The following KLHDC1 variants were observed in gnomAD, a reference collection of about 807,000 sequenced individuals.
The protein encoded by KLHDC1 is kelch domain-containing protein 1.
Under a neutral mutation model 68.3 loss-of-function variants are expected in KLHDC1, and 53 were observed. The observed-to-expected ratio is 0.78, with a 90% confidence interval of 0.62 to 0.98. KLHDC1 has a LOEUF of 0.98. Ranked by LOEUF, KLHDC1 falls within the 50% of genes least tolerant of loss-of-function variation. The pLI is 0.00. For missense variants in KLHDC1, 470 were observed against 492.3 expected, an observed-to-expected ratio of 0.95 and a Z score of 0.43; for synonymous variants, 148 against 159.0, an observed-to-expected ratio of 0.93 and a Z score of 0.52.
intron 1 of KLHDC1, among the ~76,000 whole-genome samples, chr14:49,695,120 G>GTGTGTGTGTA (rs1486205866): frequency 2.0e-5 from 3 of 148,998 alleles, no homozygotes; most frequent in African/African-American, 7.5e-5. Context: ...GTTTTGATGT[G>GTGTGTGTGTA]TGTGTGTGTG....
intron 4 of KLHDC1, among the ~76,000 whole-genome samples, chr14:49,714,680 G>A (rs1280326807): frequency 1.3e-5 from 2 of 151,890 alleles, no homozygotes; most frequent in African/African-American, 4.8e-5. Context: ...CTACTTGGGA[G>A]GCTGAGGCAG....
intron 1 of KLHDC1, among the ~76,000 whole-genome samples, chr14:49,702,755 C>G (rs1344879556): frequency 1.3e-5 from 2 of 152,192 alleles, no homozygotes; most frequent in Non-Finnish European, 2.9e-5. Context: ...TTACTTGCAG[C>G]TAGGTTGCAG....
At chr14:49,728,731 A>G (rs1193082272) in intron 6 of KLHDC1, among the ~76,000 whole-genome samples, 195 bp from the exon 7 acceptor site, 2 of 152,280 alleles carry the variant, frequency 1.3e-5, no homozygotes, top group Non-Finnish European at 1.5e-5. Context: ...ATCAGGGAGA[A>G]TAAAATGTAT....
rs754649077 is a variant in KLHDC1 at position 49,729,483 on chromosome 14, C to G, written c.652-7C>G. ...ATACTGACCAATGTAACACACTTTT[C>G]TTTTAGCAAACTAGGATGAATGATT... On this transcript the variant is annotated splice_polypyrimidine_tract_variant and splice_region_variant and intron_variant, in intron 7 of 12. Coordinates refer to ENST00000359332, the MANE Select transcript of KLHDC1 (RefSeq NM_172193.3). The G allele has an allele frequency of 1.1e-5, 18 of 1,602,096 alleles. No individual in the cohort carries two copies. Among genetic ancestry groups the G allele is most frequent in the African/African-American group, 8.0e-5 (6 of 74,666 alleles).
intron 4 of KLHDC1, among the ~76,000 whole-genome samples, chr14:49,716,269 T>C (rs1183913138): frequency 1.3e-5 from 2 of 152,176 alleles, no homozygotes; most frequent in Admixed American, 6.6e-5. Context: ...TAAAGTATTT[T>C]TGGACCTTTA....
At chr14:49,741,645 C>G (rs1889069184) in intron 11 of KLHDC1, among the ~76,000 whole-genome samples, 1 of 152,082 alleles carries the variant, frequency 6.6e-6, no homozygotes, top group Non-Finnish European at 1.5e-5. Context: ...CACTGCTTTA[C>G]TCAGCTGTTT....
At chr14:49,734,484 C>A in intron 9 of KLHDC1, 105 bp from the exon 10 acceptor site, 2 of 583,830 alleles carry the variant, frequency 3.4e-6, no homozygotes, top group Non-Finnish European at 5.9e-6. Flanking sequence ...AATAGGTGCA[C>A]TCAGAAAAGA....
intron 4 of KLHDC1, among the ~76,000 whole-genome samples, chr14:49,722,944 A>G (rs1413076544): frequency 2.0e-5 from 3 of 151,878 alleles, no homozygotes; most frequent in Non-Finnish European, 4.4e-5. Flanking sequence ...AAAATTAGCC[A>G]GGCGTGGTGG....
At chr14:49,748,801 T>A (rs1160377491) in intron 12 of KLHDC1, among the ~76,000 whole-genome samples, 1 of 151,068 alleles carries the variant, frequency 6.6e-6, no homozygotes, top group Non-Finnish European at 1.5e-5. Context: ...GAAATTTTTT[T>A]TCTTTTTTTT....
At chr14:49,746,128 G>A (rs2139770240) in intron 12 of KLHDC1, among the ~76,000 whole-genome samples, 1 of 152,244 alleles carries the variant, frequency 6.6e-6, no homozygotes, top group Admixed American at 6.5e-5. Context: ...AAAAGGAGTG[G>A]GGAGAATTAA....
At chr14:49,731,484 T>C (rs572789824) in intron 8 of KLHDC1, among the ~76,000 whole-genome samples, 2 of 152,178 alleles carry the variant, frequency 1.3e-5, no homozygotes, top group East Asian at 1.9e-4. Flanking sequence ...TTTATTTTTT[T>C]TGGAGACGGA....
At chr14:49,720,148 G>T (rs538210041) in intron 4 of KLHDC1, among the ~76,000 whole-genome samples, 1 of 152,056 alleles carries the variant, frequency 6.6e-6, no homozygotes, top group Non-Finnish European at 1.5e-5. Context: ...CACCAAACCC[G>T]GCTAATTTTG....
chr14:49,705,580 A>G (rs574650693), intron 1 of KLHDC1, among the ~76,000 whole-genome samples: 2 of 151,932 alleles, frequency 1.3e-5, no homozygotes, highest in East Asian at 3.9e-4. Context: ...CATATTGGCC[A>G]GGCTGCTCTC....
chr14:49,716,626 C>T (rs1450451062), intron 4 of KLHDC1, among the ~76,000 whole-genome samples: 3 of 152,008 alleles, frequency 2.0e-5, no homozygotes, highest in African/African-American at 7.3e-5. Flanking sequence ...TCAGGTGATC[C>T]GCGCACCTCA....
intron 1 of KLHDC1, chr14:49,707,720 A>AG (rs1177378301): frequency 2.2e-5 from 3 of 139,154 alleles, no homozygotes; most frequent in Non-Finnish European, 4.5e-5. Context: ...GTACTATCAT[A>AG]GCTCACTACA....
At chr14:49,703,299 A>G (rs987364489) in intron 1 of KLHDC1, among the ~76,000 whole-genome samples, 1 of 151,268 alleles carries the variant, frequency 6.6e-6, no homozygotes, top group African/African-American at 2.4e-5. Flanking sequence ...TCTCTAAACA[A>G]TATATTATTT....
Position 49,734,613 on chromosome 14 carries a change from C to A in KLHDC1, c.848C>A (p.Thr283Lys). The stretch of plus-strand genomic sequence containing the variant: ...GGTGATGGTTGGATTCATAATGTCA[C>A]AACAAATTGTTGGAAACAACTTACA... ...PLSDGWIHNVTTNCWKQLTHL... is the reference protein window; with the variant it reads ...PLSDGWIHNVKTNCWKQLTHL... The change falls in exon 10 of 13, where the codon ACA (threonine) becomes AAA (lysine). Residue 283 changes from threonine (T) to lysine (K), a missense_variant. By Grantham distance (78) the Thr-to-Lys change is moderately conservative. Transcript: ENST00000359332. 6.3e-7 allele frequency: 1 copy of A among 1,595,386 alleles called. No homozygotes were observed.
chr14:49,701,429 G>C (rs555000776), intron 1 of KLHDC1, among the ~76,000 whole-genome samples: 1 of 152,310 alleles, frequency 6.6e-6, no homozygotes, highest in East Asian at 1.9e-4. Flanking sequence ...GGAGGCCAAA[G>C]TGGATGGATC....
At chr14:49,749,690 A>T (rs1050489500) in intron 12 of KLHDC1, among the ~76,000 whole-genome samples, 27 of 151,752 alleles carry the variant, frequency 1.8e-4, no homozygotes, top group African/African-American at 6.3e-4. Context: ...AAAAAAAAAA[A>T]AAAAAAAGAA....
Sources: gnomAD v4.1 joint callset for allele counts (sites outside exome capture counted in the v4.1 genomes callset) on GRCh38, gnomAD v4.1.1 for gene constraint, MANE v1.5 for transcripts, NCBI Gene and HGNC (gene_info 2026-07-23, HGNC 2026-07-21) for gene names.